Variants in TCF4 observed in about 807,000 individuals in gnomAD.
The protein encoded by TCF4 is transcription factor 4, also known as SL3-3 enhancer factor 2.
TCF4 carries 3 observed loss-of-function variants against 82.1 expected under a neutral mutation model. The observed-to-expected ratio is 0.04, with a 90% CI of 0.02 to 0.09. The LOEUF (loss-of-function observed/expected upper bound fraction) is 0.09. Among genes scored for constraint, TCF4 ranks in the 10% least tolerant of loss-of-function variants. The probability of loss-of-function intolerance (pLI) is 1.00; values close to 1 mark genes in which losing one functional copy is unlikely to be tolerated. For missense variants in TCF4, 518 were observed against 852.7 expected (o/e 0.61, Z 4.89); for synonymous variants, 276 against 309.6 (o/e 0.89, Z 1.14).
intron 6 of TCF4, among the ~76,000 whole-genome samples, chr18:55,374,871 T>TAAAAAA (rs5825137): frequency 1.5e-5 from 1 of 67,148 alleles, no homozygotes; most frequent in Non-Finnish European, 2.8e-5. Flanking sequence ...AGGCCCTGTC[T>TAAAAAA]AAAAAAAAAA....
At position 55,226,322 on chromosome 18, in the gene TCF4, G is replaced by T. The variant is rs2046596461; in HGVS notation, c.*1713C>A. The T allele has an allele frequency of 6.6e-6, 1 of 152,196 alleles. No homozygotes were observed. The highest frequency in any genetic ancestry group is 2.4e-5 in the African/African-American group (1 of 41,328). 9.4% of individuals were successfully genotyped at this position (152,196 alleles called of 1,614,324 possible). Reference sequence around the variant, plus strand: ...CAAGAATTGTGTGGCTGTAAAAATAGAAACAAGTTAGAGACAAAAGGATGC... The same window carrying T: ...CAAGAATTGTGTGGCTGTAAAAATATAAACAAGTTAGAGACAAAAGGATGC... On this transcript the variant is annotated 3_prime_UTR_variant, in exon 20 of 20. Transcript: ENST00000354452.
At position 55,243,585 on chromosome 18, in the gene TCF4, G is replaced by A. The variant is rs191630936; in HGVS notation, c.1351-8902C>T. ...GGGGAAAAATACCTATATCCAACTCGTTTTTTGTTTGTTTGTTTGTTTGTT... is the reference window on the plus strand; with the variant it reads ...GGGGAAAAATACCTATATCCAACTCATTTTTTGTTTGTTTGTTTGTTTGTT... On this transcript the variant is annotated intron_variant, in intron 15 of 19. Transcript: ENST00000354452. Among the ~76,000 whole-genome samples, 279 of 139,458 alleles carry A rather than the reference G, an allele frequency of 2.0e-3. 1 individual carries two copies. The highest frequency in any genetic ancestry group is 6.3e-3 in the African/African-American group (247 of 39,462). 91.5% of individuals were successfully genotyped at this position (139,458 alleles called of 152,430 possible).
At chr18:55,595,607 T>C (rs758373124) in intron 2 of TCF4, among the ~76,000 whole-genome samples, 4 of 152,230 alleles carry the variant, frequency 2.6e-5, no homozygotes, top group Non-Finnish European at 5.9e-5. Context: ...TGCCTGCTTT[T>C]AGATGGTTTG....
intron 2 of TCF4, among the ~76,000 whole-genome samples, chr18:55,627,650 A>G (rs1179188044): frequency 1.3e-5 from 2 of 152,162 alleles, no homozygotes; most frequent in Non-Finnish European, 2.9e-5. Flanking sequence ...CTGTAATCCC[A>G]GCTACTCGGA....
In TCF4 at chr18:55,586,278, G is replaced by A. The variant is rs1036384776; in HGVS notation, c.72+767C>T. 4 of 907,716 alleles carry A rather than the reference G, an allele frequency of 4.4e-6. No homozygotes were observed. The African/African-American group carries it at 6.2e-5, about 14-fold the overall frequency. 56.2% of individuals were successfully genotyped at this position (907,716 alleles called of 1,614,324 possible). On this transcript the variant is annotated intron_variant, in intron 2 of 19. Coordinates refer to ENST00000354452, the MANE Select transcript of TCF4 (RefSeq NM_001083962.2). The stretch of plus-strand genomic sequence containing the variant: ...GGTTTGGATTTTATTTGTGTGTTTT[G>A]TGGATTCTTTTTATTTTGCTTTACA...
chr18:55,453,243 C>CG (rs1268455492), intron 5 of TCF4, among the ~76,000 whole-genome samples: 1 of 151,576 alleles, frequency 6.6e-6, no homozygotes, highest in Admixed American at 6.6e-5. Context: ...AGCTGTGACC[C>CG]CCATCTTTAG....
chr18:55,621,676 C>T (rs994956293), intron 2 of TCF4, among the ~76,000 whole-genome samples: 2 of 8,252 alleles, frequency 2.4e-4, no homozygotes, highest in South Asian at 6.9e-3. Context: ...ATATAATATA[C>T]ATTATATATT....
intron 5 of TCF4, among the ~76,000 whole-genome samples, chr18:55,455,807 A>G (rs184793356): frequency 2.0e-5 from 3 of 152,364 alleles, no homozygotes; most frequent in Admixed American, 2.0e-4. Flanking sequence ...CCATGAAGTC[A>G]GGTAACATCT....
intron 9 of TCF4, among the ~76,000 whole-genome samples, chr18:55,276,144 T>C (rs1032752530): frequency 4.6e-5 from 7 of 152,152 alleles, no homozygotes; most frequent in Non-Finnish European, 7.4e-5. Context: ...CTTGAGAAAT[T>C]ACAAAGTTGA....
At chr18:55,383,493 T>C (rs1302086613) in intron 6 of TCF4, among the ~76,000 whole-genome samples, 1 of 152,232 alleles carries the variant, frequency 6.6e-6, no homozygotes, top group African/African-American at 2.4e-5. Flanking sequence ...CAAAGCCAGC[T>C]TGTCTGCATA....
chr18:55,457,770 T>G (rs1220251745), intron 5 of TCF4, among the ~76,000 whole-genome samples: 2 of 152,232 alleles, frequency 1.3e-5, no homozygotes, highest in African/African-American at 4.8e-5. Context: ...ACAAATGAAC[T>G]AAGTTTTGGA....
At chr18:55,401,272 A>C (rs548371547) in intron 6 of TCF4, 3 of 1,190,274 alleles carry the variant, frequency 2.5e-6, no homozygotes, top group Non-Finnish European at 3.2e-6. Flanking sequence ...CCAAAATTTC[A>C]CTTTTATTTA....
At chr18:55,339,683 C>A (rs182997178) in intron 8 of TCF4, among the ~76,000 whole-genome samples, 6 of 152,148 alleles carry the variant, frequency 3.9e-5, no homozygotes, top group African/African-American at 1.2e-4. Context: ...ACACCTCCCC[C>A]CTCCCTACTT....
chr18:55,387,443 A>G, intron 6 of TCF4, among the ~76,000 whole-genome samples: 1 of 152,210 alleles, frequency 6.6e-6, no homozygotes, highest in Non-Finnish European at 1.5e-5. Context: ...ATATTTAGGG[A>G]GCTTTTCCAT....
intron 6 of TCF4, among the ~76,000 whole-genome samples, chr18:55,365,239 A>G (rs2086685647): frequency 1.5e-5 from 2 of 134,762 alleles, no homozygotes; most frequent in African/African-American, 3.0e-5. Flanking sequence ...GTGTGTATAT[A>G]TATGTGTGTG....
chr18:55,273,075 C>G (rs1250551586), intron 10 of TCF4, among the ~76,000 whole-genome samples: 1 of 152,078 alleles, frequency 6.6e-6, no homozygotes, highest in African/African-American at 2.4e-5. Flanking sequence ...CAAACTTTAA[C>G]CGCAAACTCC....
At chr18:55,369,788 C>T (rs995431705) in intron 6 of TCF4, among the ~76,000 whole-genome samples, 1 of 152,162 alleles carries the variant, frequency 6.6e-6, no homozygotes. Context: ...TGTTTATAAA[C>T]GTCAAAATTC....
chr18:55,403,871 T>C, intron 5 of TCF4: 1 of 1,461,520 alleles, frequency 6.8e-7, no homozygotes, highest in South Asian at 1.4e-5. Flanking sequence ...AAATTATCTA[T>C]GTAATGACCC....
chr18:55,316,875 A>G (rs1007945163), intron 8 of TCF4, among the ~76,000 whole-genome samples: 1 of 152,062 alleles, frequency 6.6e-6, no homozygotes, highest in Non-Finnish European at 1.5e-5. Flanking sequence ...CCAACACTAT[A>G]TTTAAAATGC....
Sources: gnomAD v4.1 joint callset for allele counts (sites outside exome capture counted in the v4.1 genomes callset) on GRCh38, gnomAD v4.1.1 for gene constraint, MANE v1.5 for transcripts, NCBI Gene and HGNC (gene_info 2026-07-23, HGNC 2026-07-21) for gene names.